Variants in NCKAP5 observed in about 807,000 individuals in gnomAD.
NCKAP5 encodes the protein NCK associated protein 5.
Under a neutral mutation model 167.0 loss-of-function variants are expected in NCKAP5, and 92 were observed. The observed-to-expected ratio is 0.55, with a 90% CI of 0.47 to 0.66. The LOEUF is 0.66. NCKAP5 is among the 30% of genes least tolerant of loss of function. NCKAP5 has a pLI of 0.00. For missense variants in NCKAP5, 2,378 were observed against 2,315.0 expected (o/e 1.03, Z -0.56); for synonymous variants, 891 against 877.4 (o/e 1.02, Z -0.27).
chr2:133,372,817 C>A (rs1187721300), intron 3 of NCKAP5, among the ~76,000 whole-genome samples: 1 of 152,160 alleles, frequency 6.6e-6, no homozygotes, highest in African/African-American at 2.4e-5. Context: ...CTACTGCAGT[C>A]ACTGTAACTC....
intron 3 of NCKAP5, among the ~76,000 whole-genome samples, chr2:133,322,884 G>A (rs887865501): frequency 1.3e-5 from 2 of 152,202 alleles, no homozygotes; most frequent in African/African-American, 4.8e-5. Flanking sequence ...CAGCACATCT[G>A]GGGTGAGACC....
chr2:132,804,799 C>G (rs879462012), intron 11 of NCKAP5, among the ~76,000 whole-genome samples: 1 of 151,920 alleles, frequency 6.6e-6, no homozygotes, highest in Non-Finnish European at 1.5e-5. Context: ...ATGACAGAAG[C>G]GAAGGAAGGC....
At chr2:133,471,703 A>C (rs982841137) in intron 3 of NCKAP5, among the ~76,000 whole-genome samples, 3 of 152,112 alleles carry the variant, frequency 2.0e-5, no homozygotes, top group African/African-American at 7.2e-5. Flanking sequence ...ATCATAGGCT[A>C]AACTCCTCTT....
intron 3 of NCKAP5, among the ~76,000 whole-genome samples, chr2:133,410,408 G>A (rs1465175796): frequency 6.6e-6 from 1 of 152,192 alleles, no homozygotes; most frequent in Admixed American, 6.5e-5. Flanking sequence ...AAGAAGCACA[G>A]GCTTCACTTC....
chr2:132,861,367 C>T (rs962213623), intron 10 of NCKAP5, among the ~76,000 whole-genome samples: 1 of 152,010 alleles, frequency 6.6e-6, no homozygotes, highest in Non-Finnish European at 1.5e-5. Context: ...AAGGAACTTG[C>T]GGTACTTAAA....
intron 3 of NCKAP5, among the ~76,000 whole-genome samples, chr2:133,316,838 G>A (rs562501789): frequency 1.7e-4 from 26 of 152,326 alleles, no homozygotes; most frequent in Admixed American, 4.6e-4. Flanking sequence ...GTCATGGGCT[G>A]CAGGCTGTTG....
At chr2:132,866,224 T>C in intron 10 of NCKAP5, among the ~76,000 whole-genome samples, 1 of 152,194 alleles carries the variant, frequency 6.6e-6, no homozygotes, top group East Asian at 1.9e-4. Flanking sequence ...TTTTGTTTAG[T>C]GGCAAACAAG....
At chr2:133,363,413 A>G (rs754291410) in intron 3 of NCKAP5, among the ~76,000 whole-genome samples, 25 of 152,216 alleles carry the variant, frequency 1.6e-4, no homozygotes, top group Non-Finnish European at 2.9e-4. Context: ...TGGCACACAA[A>G]GCTAAGATAT....
chr2:132,761,549 G>A (rs936700404), intron 16 of NCKAP5, among the ~76,000 whole-genome samples: 11 of 152,150 alleles, frequency 7.2e-5, no homozygotes, highest in South Asian at 2.1e-4. Context: ...AAGAAAATAC[G>A]TATAATTTTA....
At chr2:133,604,519 T>C in the NCKAP5 span, among the ~76,000 whole-genome samples, 1 of 152,040 alleles carries the variant, frequency 6.6e-6, no homozygotes, top group Non-Finnish European at 1.5e-5. Flanking sequence ...TGTTACATAA[T>C]TAAAATTAGG....
At chr2:132,678,059 T>C (rs1472998242) in intron 19 of NCKAP5, among the ~76,000 whole-genome samples, 1 of 151,956 alleles carries the variant, frequency 6.6e-6, no homozygotes, top group Non-Finnish European at 1.5e-5. Flanking sequence ...ACTAGAACAA[T>C]ATCCTGAATA....
chr2:132,773,199 G>C (rs1371902403), intron 16 of NCKAP5, among the ~76,000 whole-genome samples: 1 of 152,174 alleles, frequency 6.6e-6, no homozygotes, highest in Non-Finnish European at 1.5e-5. Context: ...TCTTGACAAG[G>C]AATGCAGTCA....
At chr2:132,834,787 G>A (rs900699751) in intron 11 of NCKAP5, among the ~76,000 whole-genome samples, 5 of 152,130 alleles carry the variant, frequency 3.3e-5, no homozygotes, top group Admixed American at 6.6e-5. Context: ...TACCACACCC[G>A]GTCTGAATGT....
chr2:133,329,965 AGCGTCTAAGACACTAT>A (rs1559388827), intron 3 of NCKAP5, among the ~76,000 whole-genome samples: 1 of 151,276 alleles, frequency 6.6e-6, no homozygotes, highest in Admixed American at 6.6e-5. Context: ...CGGAGGGGCC[AGCGTCTAAGACACTAT>A]GAAAGATAAA....
At chr2:133,378,147 T>C (rs1413123195) in intron 3 of NCKAP5, among the ~76,000 whole-genome samples, 1 of 152,206 alleles carries the variant, frequency 6.6e-6, no homozygotes, top group East Asian at 1.9e-4. Flanking sequence ...GTGATTTCTA[T>C]GCTAAGTTTT....
chr2:133,045,366 T>C (rs2079359934), intron 6 of NCKAP5, among the ~76,000 whole-genome samples: 2 of 151,910 alleles, frequency 1.3e-5, no homozygotes, highest in East Asian at 3.9e-4. Context: ...TTAAAAAGTA[T>C]ATATATCTAT....
At position 133,377,884 on chromosome 2, in the gene NCKAP5, A is replaced by C. The variant is rs192595164; in HGVS notation, c.70-74774T>G. On this transcript the variant is annotated intron_variant, in intron 3 of 19. Transcript: ENST00000409261. Reference sequence around the variant, plus strand: ...AAACTGGCCTTGGATTCATGAGACCAGGAAAACCCCTGATCCACACAGGGA... The same window carrying C: ...AAACTGGCCTTGGATTCATGAGACCCGGAAAACCCCTGATCCACACAGGGA... 4.8e-3 allele frequency among the ~76,000 whole-genome samples: 735 copies of C among 152,090 alleles called. 6 individuals are homozygous for C. Among genetic ancestry groups the C allele is most frequent in the Middle Eastern group, 0.017 (5 of 294 alleles).
At chr2:132,758,178 G>A (rs1267834264) in intron 16 of NCKAP5, among the ~76,000 whole-genome samples, 2 of 152,162 alleles carry the variant, frequency 1.3e-5, no homozygotes, top group Non-Finnish European at 2.9e-5. Flanking sequence ...GACTGGTGCT[G>A]TGATGTTGGG....
Position 133,278,208 on chromosome 2 carries a change from A to G in NCKAP5, c.143+24829T>C, listed in dbSNP as rs993497311. ...TGCTGTAACAAATTATCGCAAATGT[A>G]GTGACCTAAAACAATACAAAGTTAT... On this transcript the variant is annotated intron_variant, in intron 4 of 19. Coordinates refer to ENST00000409261, the MANE Select transcript of NCKAP5 (RefSeq NM_207363.3). Among the ~76,000 whole-genome samples the G allele has an allele frequency of 5.3e-5, 8 of 152,204 alleles. No individual in the cohort carries two copies. The East Asian group carries it at 1.3e-3, about 26-fold the overall frequency.
Sources: gnomAD v4.1 joint callset for allele counts (sites outside exome capture counted in the v4.1 genomes callset) on GRCh38, gnomAD v4.1.1 for gene constraint, MANE v1.5 for transcripts, NCBI Gene and HGNC (gene_info 2026-07-23, HGNC 2026-07-21) for gene names.